LINGO2: variants seen among roughly 807,000 people sequenced by gnomAD.
The protein encoded by LINGO2 is leucine-rich repeat and immunoglobulin-like domain-containing nogo receptor-interacting protein 2.
A neutral mutation model predicts 30.6 loss-of-function variants in LINGO2; 14 were observed. That is an observed-to-expected ratio of 0.46 (90% CI 0.30 to 0.72). LINGO2 has a LOEUF of 0.72. LINGO2 is among the 30% of genes least tolerant of loss of function. The pLI is 0.07. For missense variants in LINGO2, 729 were observed against 751.7 expected (o/e 0.97, Z 0.35); for synonymous variants, 317 against 288.5 (o/e 1.10, Z -1.00).
chr9:28,455,708 T>A (rs1208056395), intron 2 of LINGO2, among the ~76,000 whole-genome samples: 1 of 151,464 alleles, frequency 6.6e-6, no homozygotes, highest in Non-Finnish European at 1.5e-5. Context: ...GGCATTCTAC[T>A]ATTCATAAGG....
At chr9:28,284,292 TC>T (rs1823429755) in intron 4 of LINGO2, among the ~76,000 whole-genome samples, 1 of 152,162 alleles carries the variant, frequency 6.6e-6, no homozygotes, top group East Asian at 1.9e-4. Flanking sequence ...ACTGTAGTTT[TC>T]CCATTTACAC....
At chr9:28,665,145 T>C (rs1367507409) in intron 1 of LINGO2, among the ~76,000 whole-genome samples, 1 of 151,342 alleles carries the variant, frequency 6.6e-6, no homozygotes, top group Non-Finnish European at 1.5e-5. Context: ...GAGATGCTTC[T>C]TGAGAACTTA....
At chr9:28,279,863 C>T (rs1236663032) in intron 4 of LINGO2, among the ~76,000 whole-genome samples, 1 of 152,096 alleles carries the variant, frequency 6.6e-6, no homozygotes, top group East Asian at 1.9e-4. Flanking sequence ...AGCTTAGAAA[C>T]AGTTTTAGAA....
At chr9:29,024,137 T>C in the LINGO2 span, among the ~76,000 whole-genome samples, 9 of 152,076 alleles carry the variant, frequency 5.9e-5, no homozygotes, top group African/African-American at 2.2e-4. Flanking sequence ...GCCCTCTACA[T>C]TGTGTTAGAA....
At chr9:29,194,447 G>A in the LINGO2 span, among the ~76,000 whole-genome samples, 67 of 152,150 alleles carry the variant, frequency 4.4e-4, no homozygotes, top group Non-Finnish European at 8.7e-4. Flanking sequence ...CACCAGACCA[G>A]GACATCCTGT....
At chr9:28,121,920 G>T (rs1200915337) in intron 4 of LINGO2, among the ~76,000 whole-genome samples, 3 of 152,090 alleles carry the variant, frequency 2.0e-5, no homozygotes, top group Non-Finnish European at 4.4e-5. Context: ...AATATTTAAT[G>T]CTCTTTTAAA....
intron 4 of LINGO2, among the ~76,000 whole-genome samples, chr9:28,214,845 T>G (rs1326621373): frequency 1.3e-5 from 2 of 151,544 alleles, no homozygotes; most frequent in Non-Finnish European, 3.0e-5. Context: ...TGGAAACAAA[T>G]CAGCTTATTT....
In LINGO2 at chr9:28,044,458, G is replaced by T. The variant is rs373141442; in HGVS notation, c.-86-32053C>A. Among the ~76,000 whole-genome samples, 5 of 152,302 alleles carry T rather than the reference G, an allele frequency of 3.3e-5. No individual in the cohort carries two copies. In the East Asian group the frequency reaches 5.8e-4, roughly 18 times the overall value. On this transcript the variant is annotated intron_variant, in intron 4 of 5. Transcript: ENST00000379992. Reference sequence around the variant, plus strand: ...TGGATCAGCTGTAAGTCTCAAAACAGACTTTCCTAAGAACATAGACAACCT... The same window carrying T: ...TGGATCAGCTGTAAGTCTCAAAACATACTTTCCTAAGAACATAGACAACCT...
chr9:28,037,308 A>G (rs548488957), intron 4 of LINGO2, among the ~76,000 whole-genome samples: 1 of 152,324 alleles, frequency 6.6e-6, no homozygotes, highest in Non-Finnish European at 1.5e-5. Flanking sequence ...CTCTAGCACC[A>G]TCTCTTGCCA....
At chr9:29,170,214 T>C in the LINGO2 span, among the ~76,000 whole-genome samples, 2 of 152,134 alleles carry the variant, frequency 1.3e-5, no homozygotes, top group Non-Finnish European at 2.9e-5. Context: ...TGTCCATCAA[T>C]GGACTGGATT....
chr9:28,944,352 ATC>A, the LINGO2 span, among the ~76,000 whole-genome samples: 1 of 88,780 alleles, frequency 1.1e-5, no homozygotes, highest in South Asian at 3.3e-4. Flanking sequence ...ACATACCTCT[ATC>A]TCTGTCTGTC....
chr9:28,223,812 T>C (rs1353068558), intron 4 of LINGO2, among the ~76,000 whole-genome samples: 1 of 152,144 alleles, frequency 6.6e-6, no homozygotes, highest in Non-Finnish European at 1.5e-5. Flanking sequence ...ATGGCCATGC[T>C]TTTTAAAAAT....
rs139756798 is a variant in LINGO2 at position 28,057,468 on chromosome 9, G to A, written c.-86-45063C>T. Among the ~76,000 whole-genome samples, 313 of 145,788 alleles carry A rather than the reference G, an allele frequency of 2.1e-3. 2 individuals are homozygous for A. Among genetic ancestry groups the A allele is most frequent in the South Asian group, 8.8e-3 (40 of 4,564 alleles). On this transcript the variant is annotated intron_variant, in intron 4 of 5. Transcript: ENST00000379992. ...TTTTCAAAATTTAGGCCCATGTTAT[G>A]AAAATGAGCCTTGTTCATGGCTTTC...
chr9:28,632,854 T>TATATATA (rs1563878982), intron 1 of LINGO2, among the ~76,000 whole-genome samples: 8 of 83,080 alleles, frequency 9.6e-5, no homozygotes, highest in African/African-American at 6.1e-4. Context: ...TATATATATT[T>TATATATA]TTTATATATA....
the LINGO2 span, among the ~76,000 whole-genome samples, chr9:28,895,964 T>A: frequency 3.9e-5 from 6 of 152,118 alleles, no homozygotes; most frequent in African/African-American, 1.4e-4. Flanking sequence ...GATAAAGATT[T>A]GGAAACTATC....
chr9:28,848,661 TC>T, the LINGO2 span, among the ~76,000 whole-genome samples: 1 of 151,356 alleles, frequency 6.6e-6, no homozygotes, highest in Non-Finnish European at 1.5e-5. Flanking sequence ...ACAGAGCTTT[TC>T]CTCAAGTCTT....
At chr9:29,027,774 C>T in the LINGO2 span, among the ~76,000 whole-genome samples, 1 of 152,138 alleles carries the variant, frequency 6.6e-6, no homozygotes, top group Non-Finnish European at 1.5e-5. Flanking sequence ...TCAAACTCTG[C>T]TTAAAAATTA....
intron 2 of LINGO2, among the ~76,000 whole-genome samples, chr9:28,392,953 C>T (rs1427195782): frequency 6.6e-6 from 1 of 152,172 alleles, no homozygotes; most frequent in East Asian, 1.9e-4. Flanking sequence ...AAGGGTAAGG[C>T]TATGAATGGT....
chr9:28,546,687 G>T (rs754618129), intron 1 of LINGO2, among the ~76,000 whole-genome samples: 1 of 151,994 alleles, frequency 6.6e-6, no homozygotes, highest in Non-Finnish European at 1.5e-5. Flanking sequence ...AGTTTCTGTG[G>T]CCTGCCTTGA....
Sources: gnomAD v4.1 joint callset for allele counts (sites outside exome capture counted in the v4.1 genomes callset) on GRCh38, gnomAD v4.1.1 for gene constraint, MANE v1.5 for transcripts, NCBI Gene and HGNC (gene_info 2026-07-23, HGNC 2026-07-21) for gene names.